The following NPSR1 variants were observed in gnomAD, a reference collection of about 807,000 sequenced individuals.
NPSR1 encodes the protein neuropeptide S receptor.
In NPSR1, 48 loss-of-function variants were observed where a neutral mutation model predicts 46.9. That is an observed-to-expected ratio of 1.02 (90% CI 0.81 to 1.30). The LOEUF is 1.30. Ranked by LOEUF, NPSR1 falls within the 50% of genes most tolerant of loss-of-function variation. The pLI is 0.00. For synonymous variants in NPSR1, 176 were observed against 168.1 expected, an observed-to-expected ratio of 1.05 and a Z score of -0.36; for missense variants, 450 against 449.5, an observed-to-expected ratio of 1.00 and a Z score of -0.01.
At chr7:34,855,535 A>T (rs577098830) in intron 8 of NPSR1, among the ~76,000 whole-genome samples, 3 of 152,280 alleles carry the variant, frequency 2.0e-5, no homozygotes, top group Non-Finnish European at 4.4e-5. Context: ...GAAGAAACAA[A>T]ATCAGAATAG....
chr7:34,810,039 T>C (rs1213525913), intron 3 of NPSR1, among the ~76,000 whole-genome samples: 1 of 152,180 alleles, frequency 6.6e-6, no homozygotes, highest in Non-Finnish European at 1.5e-5. Flanking sequence ...TTTCACAACA[T>C]TAGTGCTGAG....
chr7:34,785,081 C>T (rs1231551155), intron 3 of NPSR1, among the ~76,000 whole-genome samples: 3 of 151,798 alleles, frequency 2.0e-5, no homozygotes, highest in Non-Finnish European at 2.9e-5. Context: ...CACATGCACA[C>T]GTATGTTTAT....
At chr7:34,790,967 ATATATGT>A (rs1306113170) in intron 3 of NPSR1, among the ~76,000 whole-genome samples, 5 of 75,016 alleles carry the variant, frequency 6.7e-5, no homozygotes, top group South Asian at 3.4e-4. Context: ...ATGTTATATT[ATATATGT>A]TATATGTTAT....
At chr7:34,663,438 A>AT (rs1236620518) in intron 1 of NPSR1, among the ~76,000 whole-genome samples, 1 of 152,148 alleles carries the variant, frequency 6.6e-6, no homozygotes, top group Non-Finnish European at 1.5e-5. Context: ...CTCATCCCAC[A>AT]TAGCCACCTA....
chr7:34,724,733 C>A (rs563486595), intron 2 of NPSR1, among the ~76,000 whole-genome samples: 17 of 152,150 alleles, frequency 1.1e-4, no homozygotes, highest in African/African-American at 4.1e-4. Flanking sequence ...ACTGGCTAAG[C>A]CTCACCTTAC....
In NPSR1 at chr7:34,859,912, C is replaced by G. The variant is rs1312559841; in HGVS notation, c.1025+11249C>G. On this transcript the variant is annotated intron_variant, in intron 8 of 8. Transcript: ENST00000359791. The stretch of plus-strand genomic sequence containing the variant: ...AGCTCAAGTTCCTCATGGCCAGGAA[C>G]TGTGTAGGCCTCCTTTGCTTACATC... 1.3e-5 allele frequency among the ~76,000 whole-genome samples: 2 copies of G among 151,716 alleles called. 1 individual carries two copies. Among genetic ancestry groups the G allele is most frequent in the African/African-American group, 4.9e-5 (2 of 40,994 alleles).
chr7:34,721,773 T>C (rs1276590810), intron 2 of NPSR1, among the ~76,000 whole-genome samples: 1 of 152,146 alleles, frequency 6.6e-6, no homozygotes, highest in Non-Finnish European at 1.5e-5. Flanking sequence ...AGCAACAGTT[T>C]TTAAAAAGAT....
intron 3 of NPSR1, among the ~76,000 whole-genome samples, chr7:34,792,500 A>AAC (rs373159147): frequency 0.07 from 10,066 of 143,070 alleles, 421 homozygotes; most frequent in Middle Eastern, 0.11. Context: ...TCTCTACAAA[A>AAC]ACACACACAC....
intron 2 of NPSR1, among the ~76,000 whole-genome samples, chr7:34,701,298 A>C (rs1470528819): frequency 6.6e-6 from 1 of 152,222 alleles, no homozygotes; most frequent in Non-Finnish European, 1.5e-5. Context: ...GAGTTTTATT[A>C]ATCAGCAAAG....
intron 2 of NPSR1, among the ~76,000 whole-genome samples, chr7:34,745,261 C>T (rs902726463): frequency 3.9e-5 from 6 of 152,160 alleles, no homozygotes; most frequent in African/African-American, 1.4e-4. Context: ...TATGCCTCTT[C>T]ACTTCTCTTT....
intron 7 of NPSR1, among the ~76,000 whole-genome samples, chr7:34,848,116 G>C (rs1790804714): frequency 6.6e-6 from 1 of 152,190 alleles, no homozygotes; most frequent in Non-Finnish European, 1.5e-5. Context: ...TTCCTAGAGA[G>C]TCTTCAAAGT....
At chr7:34,777,507 T>A (rs1170082298) in intron 2 of NPSR1, among the ~76,000 whole-genome samples, 2 of 151,840 alleles carry the variant, frequency 1.3e-5, no homozygotes, top group Non-Finnish European at 2.9e-5. Context: ...TTCTACTTCT[T>A]CAGTGCCTCT....
rs375963976 is a variant in NPSR1, at chr7:34,807,894, C to G, written c.385-3876C>G. Among the ~76,000 whole-genome samples, 13 of 151,770 alleles carry G rather than the reference C, an allele frequency of 8.6e-5. No homozygotes were observed. The East Asian group carries it at 1.9e-3, about 23-fold the overall frequency. ...GAAAAAAGCTCCCCGCCCCTACCCC[C>G]CACCACCACCACCACCACAAAATCC... On this transcript the variant is annotated intron_variant, in intron 3 of 8. Coordinates refer to ENST00000360581, the MANE Select transcript of NPSR1 (RefSeq NM_207172.2).
chr7:34,806,658 T>C (rs920409102), intron 3 of NPSR1, among the ~76,000 whole-genome samples: 2 of 152,116 alleles, frequency 1.3e-5, no homozygotes, highest in Non-Finnish European at 1.5e-5. Flanking sequence ...CAATGGACTT[T>C]AGTTAATGAT....
At chr7:34,699,255 A>G (rs1052827314) in intron 2 of NPSR1, among the ~76,000 whole-genome samples, 12 of 152,304 alleles carry the variant, frequency 7.9e-5, no homozygotes, top group Middle Eastern at 3.4e-3. Context: ...TTTGGTGAGT[A>G]GATCCCCTGT....
At chr7:34,678,172 T>C (rs1792416164) in intron 1 of NPSR1, among the ~76,000 whole-genome samples, 1 of 150,176 alleles carries the variant, frequency 6.7e-6, no homozygotes, top group Non-Finnish European at 1.5e-5. Flanking sequence ...CCCAGCACCA[T>C]CCAGGCTCAG....
At chr7:34,697,420 G>A (rs952319653) in intron 2 of NPSR1, among the ~76,000 whole-genome samples, 3 of 151,848 alleles carry the variant, frequency 2.0e-5, no homozygotes, top group African/African-American at 7.2e-5. Flanking sequence ...ATTTGAATAT[G>A]CAAATATATA....
intron 2 of NPSR1, chr7:34,753,771 G>C (rs1239493231): frequency 6.6e-6 from 1 of 152,134 alleles, no homozygotes; most frequent in Non-Finnish European, 1.5e-5. Context: ...GGAGGCTGGG[G>C]AAGGAGGATT....
At chr7:34,771,282 A>T (rs1786671990) in intron 2 of NPSR1, among the ~76,000 whole-genome samples, 1 of 152,100 alleles carries the variant, frequency 6.6e-6, no homozygotes, top group Admixed American at 6.6e-5. Flanking sequence ...GAAAATTTTT[A>T]AAAAGTAAAA....
Sources: allele counts gnomAD v4.1 joint callset (sites outside exome capture counted in the v4.1 genomes callset), GRCh38; gene constraint gnomAD v4.1.1; transcripts MANE v1.5; gene names NCBI Gene and HGNC (gene_info 2026-07-23, HGNC 2026-07-21).